The following TSHZ1 variants were observed in gnomAD, a reference collection of about 807,000 sequenced individuals.
TSHZ1 encodes the protein teashirt zinc finger homeobox 1.
Under a neutral mutation model 67.1 loss-of-function variants are expected in TSHZ1, and 12 were observed. The ratio of observed to expected loss-of-function variants is 0.18; its 90% CI spans 0.11 to 0.29. The LOEUF is 0.29. Among genes scored for constraint, TSHZ1 ranks in the 10% least tolerant of loss-of-function variants. TSHZ1 has a pLI of 1.00. For synonymous variants in TSHZ1, 632 were observed against 622.4 expected (o/e 1.02, Z -0.23); for missense variants, 1,305 against 1,413.9 (o/e 0.92, Z 1.23).
Position 75,241,189 on chromosome 18 carries a change from C to T in TSHZ1, c.40+29273C>T, listed in dbSNP as rs545974493. Reference sequence around the variant, plus strand: ...AAAACACGTTCCCATGGAAGTGGGTCGTGTCTCTAGTATGCACCCAAGGGC... The same window carrying T: ...AAAACACGTTCCCATGGAAGTGGGTTGTGTCTCTAGTATGCACCCAAGGGC... On this transcript the variant is annotated intron_variant, in intron 1 of 1. Coordinates refer to ENST00000580243, the MANE Select transcript of TSHZ1 (RefSeq NM_001308210.2). 4.1e-4 allele frequency among the ~76,000 whole-genome samples: 63 copies of T among 152,270 alleles called. No individual in the cohort carries two copies. In the South Asian group the frequency reaches 1.0e-2, roughly 24 times the overall value.
At chr18:75,223,957 G>A (rs1035924956) in intron 1 of TSHZ1, among the ~76,000 whole-genome samples, 10 of 150,982 alleles carry the variant, frequency 6.6e-5, no homozygotes, top group African/African-American at 4.9e-5. Flanking sequence ...ACTTTTTCCC[G>A]TGCTTTCTAA....
At chr18:75,271,042 GT>G (rs1235001088) in intron 1 of TSHZ1, among the ~76,000 whole-genome samples, 1 of 152,110 alleles carries the variant, frequency 6.6e-6, no homozygotes, top group East Asian at 1.9e-4. Flanking sequence ...AATTTGTTTT[GT>G]TTCTTATGCC....
At chr18:75,236,646 G>T (rs1315385658) in intron 1 of TSHZ1, among the ~76,000 whole-genome samples, 7 of 152,128 alleles carry the variant, frequency 4.6e-5, no homozygotes, top group African/African-American at 7.2e-5. Flanking sequence ...TTTGTTCATT[G>T]CCTGTACAGG....
chr18:75,255,486 AT>A (rs1382302986), intron 1 of TSHZ1, among the ~76,000 whole-genome samples: 1 of 152,116 alleles, frequency 6.6e-6, no homozygotes, highest in Admixed American at 6.5e-5. Flanking sequence ...TCCCCCTAAC[AT>A]AGCTGGGGAT....
chr18:75,247,851 G>A (rs1412457002), intron 1 of TSHZ1, among the ~76,000 whole-genome samples: 1 of 140,222 alleles, frequency 7.1e-6, no homozygotes, highest in African/African-American at 2.7e-5. Context: ...TATTTGAAAT[G>A]TTCAGACCTT....
intron 1 of TSHZ1, among the ~76,000 whole-genome samples, chr18:75,238,112 T>A (rs889200266): frequency 1.3e-5 from 2 of 152,204 alleles, no homozygotes; most frequent in African/African-American, 4.8e-5. Flanking sequence ...ACTGAAGCCT[T>A]CTTAAACAGG....
At chr18:75,229,154 C>G (rs1484287260) in intron 1 of TSHZ1, among the ~76,000 whole-genome samples, 1 of 152,252 alleles carries the variant, frequency 6.6e-6, no homozygotes, top group Non-Finnish European at 1.5e-5. Flanking sequence ...ACATGCCATC[C>G]CAGGGCAATC....
chr18:75,288,478 G>T lies in TSHZ1; in HGVS notation c.3071G>T (p.Gly1024Val). The T allele has an allele frequency of 6.2e-7, 1 of 1,614,132 alleles. No homozygotes were observed. Among genetic ancestry groups the T allele is most frequent in the South Asian group, 1.1e-5 (1 of 91,074 alleles). The change falls in exon 2 of 2, where the codon GGC becomes GTC. Residue 1024 changes from glycine to valine, a missense_variant. Gly to Val is a moderately radical substitution (Grantham distance 109). Coordinates refer to ENST00000580243, the MANE Select transcript of TSHZ1 (RefSeq NM_001308210.2). This position sits in a 1 kb window ranked among gnomAD's most constrained non-coding sequence, Gnocchi z 4.9. ...AAAGTCCTCACCAACAAAACTCTGG[G>T]CCCACTGGGGGCCACCGAGGAAGAC... ...VSKVLTNKTL[G>V]PLGATEEDLG...
intron 1 of TSHZ1, among the ~76,000 whole-genome samples, chr18:75,252,745 A>C (rs572546364): frequency 3.3e-5 from 5 of 152,154 alleles, no homozygotes; most frequent in African/African-American, 1.2e-4. Context: ...GTATATATGT[A>C]TATATTTGCG....
chr18:75,268,654 C>G (rs140268151), intron 1 of TSHZ1, among the ~76,000 whole-genome samples: 10 of 152,348 alleles, frequency 6.6e-5, no homozygotes, highest in African/African-American at 2.2e-4. Flanking sequence ...ATTGCCACGA[C>G]TTCCCTCCTC....
chr18:75,213,533 T>G (rs1001397655), intron 1 of TSHZ1, among the ~76,000 whole-genome samples: 2 of 152,334 alleles, frequency 1.3e-5, no homozygotes, highest in South Asian at 2.1e-4. Context: ...TCCTGTACTC[T>G]TAAGAACTTT....
chr18:75,278,397 T>C (rs530125793), intron 1 of TSHZ1, among the ~76,000 whole-genome samples: 4 of 152,192 alleles, frequency 2.6e-5, no homozygotes, highest in Admixed American at 2.6e-4. Context: ...GGCACCTGGG[T>C]TCTGGGTTGG....
In TSHZ1 at chr18:75,286,322, G is replaced by C; in HGVS notation, c.915G>C (p.Lys305Asn). 6.2e-7 allele frequency: 1 copy of C among 1,613,196 alleles called. No homozygotes were observed. Among genetic ancestry groups the C allele is most frequent in the Non-Finnish European group, 8.5e-7 (1 of 1,179,252 alleles). The part of the protein sequence containing the change: ...MEMEGKEDAQ[K>N]VLKCMYCGHS... ...TGGAGGGGAAGGAGGATGCCCAGAAGGTGCTGAAGTGCATGTACTGTGGAC... is the reference window on the plus strand; with the variant it reads ...TGGAGGGGAAGGAGGATGCCCAGAACGTGCTGAAGTGCATGTACTGTGGAC... Residue 305 changes from lysine (K) to asparagine (N), a missense_variant, in exon 2 of 2, where the codon AAG (lysine) becomes AAC (asparagine). Lys to Asn is a moderately conservative substitution (Grantham distance 94). This residue lies in a region of TSHZ1 where 38 missense variants were observed against 76.5 expected (regional missense o/e 0.50). Transcript: ENST00000580243. The surrounding 1 kb of genome is among the most constrained non-coding windows in gnomAD (Gnocchi z 5.1).
chr18:75,241,886 G>C (rs1362264995), intron 1 of TSHZ1, among the ~76,000 whole-genome samples: 2 of 148,424 alleles, frequency 1.3e-5, no homozygotes, highest in African/African-American at 5.0e-5. Context: ...TGCCTTCTCC[G>C]TGTGTCCTCT....
At chr18:75,233,378 C>G (rs1158766200) in intron 1 of TSHZ1, among the ~76,000 whole-genome samples, 1 of 152,162 alleles carries the variant, frequency 6.6e-6, no homozygotes. Flanking sequence ...TAACAACGTT[C>G]CAGGATGTTT....
At position 75,278,077 on chromosome 18, in the gene TSHZ1, C is replaced by A. The variant is rs2023636712; in HGVS notation, c.41-7371C>A. 2.6e-5 allele frequency among the ~76,000 whole-genome samples: 4 copies of A among 152,250 alleles called. No homozygotes were observed. The South Asian group carries it at 8.3e-4, about 32-fold the overall frequency. On this transcript the variant is annotated intron_variant, in intron 1 of 1. Coordinates refer to ENST00000580243, the MANE Select transcript of TSHZ1 (RefSeq NM_001308210.2). ...GGGGGGATCTGTTCTACTAAAGAAA[C>A]CACAGCAATGGCCACGTTAGTGTAA...
At chr18:75,235,494 A>G (rs1051423167) in intron 1 of TSHZ1, among the ~76,000 whole-genome samples, 1 of 152,140 alleles carries the variant, frequency 6.6e-6, no homozygotes, top group Non-Finnish European at 1.5e-5. Flanking sequence ...TCATGTGCTC[A>G]TTTCTCCAAC....
intron 1 of TSHZ1, among the ~76,000 whole-genome samples, chr18:75,226,951 C>T (rs193030927): frequency 5.3e-5 from 8 of 152,292 alleles, no homozygotes; most frequent in Admixed American, 4.6e-4. Context: ...GAGGTCCTGC[C>T]TGGGAAGGTT....
Position 75,287,354 on chromosome 18 carries a change from G to T in TSHZ1, c.1947G>T (p.Lys649Asn). 6.2e-7 allele frequency: 1 copy of T among 1,614,134 alleles called. No individual in the cohort carries two copies. The highest frequency in any genetic ancestry group is 8.5e-7 in the Non-Finnish European group (1 of 1,180,042). Residue 649 changes from lysine to asparagine, a missense_variant, in exon 2 of 2, where the codon AAG (lysine) becomes AAT (asparagine). This residue lies in a region of TSHZ1 where 909 missense variants were observed against 961.8 expected (regional missense o/e 0.95). Coordinates refer to ENST00000580243, the MANE Select transcript of TSHZ1 (RefSeq NM_001308210.2). This position sits in a 1 kb window ranked among gnomAD's most constrained non-coding sequence, Gnocchi z 5.0. ...MEELVEKVTG[K>N]VNIKKEERPP... The stretch of plus-strand genomic sequence containing the variant: ...AGCTGGTGGAGAAGGTCACGGGCAA[G>T]GTCAACATCAAGAAGGAGGAGAGAC...
Sources: gnomAD v4.1 joint callset for allele counts (sites outside exome capture counted in the v4.1 genomes callset) on GRCh38, gnomAD v4.1.1 for gene constraint, gnomAD v4.1.1 regional missense constraint, Gnocchi (gnomAD v3.1) non-coding constraint, MANE v1.5 for transcripts, NCBI Gene and HGNC (gene_info 2026-07-23, HGNC 2026-07-21) for gene names.